The following SLX4IP variants were observed in gnomAD, a reference collection of about 807,000 sequenced individuals.
SLX4IP encodes the protein protein SLX4IP.
Under a neutral mutation model 32.9 loss-of-function variants are expected in SLX4IP, and 34 were observed. That is an observed-to-expected ratio of 1.03 (90% CI 0.79 to 1.38). SLX4IP has a LOEUF of 1.38. Among genes scored for constraint, SLX4IP ranks in the 40% most tolerant of loss-of-function variants. SLX4IP has a pLI of 0.00. For synonymous variants in SLX4IP, 172 were observed against 171.7 expected (o/e 1.00, Z -0.01); for missense variants, 444 against 479.0 (o/e 0.93, Z 0.68).
At chr20:10,479,637 C>CA (rs552337113) in intron 2 of SLX4IP, among the ~76,000 whole-genome samples, 15 of 162 alleles carry the variant, frequency 0.093, no homozygotes, top group East Asian at 0.41. Context: ...GCGTGAGCCA[C>CA]GTCCCGGCTC....
intron 4 of SLX4IP, among the ~76,000 whole-genome samples, chr20:10,588,485 G>C (rs576587118): frequency 5.9e-5 from 9 of 152,228 alleles, no homozygotes; most frequent in African/African-American, 2.2e-4. Flanking sequence ...ATATGATCCA[G>C]CAGTCTCACG....
intron 4 of SLX4IP, among the ~76,000 whole-genome samples, chr20:10,570,312 C>G (rs2122513197): frequency 6.6e-6 from 1 of 152,330 alleles, no homozygotes; most frequent in African/African-American, 2.4e-5. Context: ...TGGGGGACAT[C>G]CCTCACCCAC....
chr20:10,487,061 G>A (rs140633560), intron 2 of SLX4IP, among the ~76,000 whole-genome samples: 1 of 152,236 alleles, frequency 6.6e-6, no homozygotes, highest in African/African-American at 2.4e-5. Context: ...AGAGCCGCCT[G>A]CACGCTTTTC....
At chr20:10,533,339 G>GT (rs1350885290) in intron 2 of SLX4IP, among the ~76,000 whole-genome samples, 1 of 152,106 alleles carries the variant, frequency 6.6e-6, no homozygotes, top group Non-Finnish European at 1.5e-5. Flanking sequence ...GTCTTGCTCT[G>GT]TCGCCCAGGC....
At position 10,589,255 on chromosome 20, in the gene SLX4IP, T is replaced by G. The variant is rs574502956; in HGVS notation, c.239-9420T>G. On this transcript the variant is annotated intron_variant, in intron 4 of 7. Coordinates refer to ENST00000334534, the MANE Select transcript of SLX4IP (RefSeq NM_001009608.3). ...AAGTTATTAAAAATAATTAGGAGAT[T>G]TACCATGTCAAATGTATGGGAAGTG... Among the ~76,000 whole-genome samples, 3 of 152,286 alleles carry G rather than the reference T, an allele frequency of 2.0e-5. No homozygotes were observed. In the South Asian group the frequency reaches 6.2e-4, roughly 32 times the overall value.
chr20:10,569,536 C>T (rs1407643497), intron 4 of SLX4IP, among the ~76,000 whole-genome samples: 2 of 152,118 alleles, frequency 1.3e-5, no homozygotes, highest in African/African-American at 4.8e-5. Flanking sequence ...TACCACAGGC[C>T]GAGTGGCTTA....
chr20:10,459,133 A>G (rs752955118), intron 2 of SLX4IP, among the ~76,000 whole-genome samples: 4 of 152,184 alleles, frequency 2.6e-5, no homozygotes, highest in South Asian at 4.2e-4. Flanking sequence ...TTTTTTTCAT[A>G]TATTTGCTGG....
chr20:10,595,931 TAAC>T (rs1266709035), intron 4 of SLX4IP, among the ~76,000 whole-genome samples: 1 of 152,214 alleles, frequency 6.6e-6, no homozygotes, highest in Non-Finnish European at 1.5e-5. Context: ...AAACCACTAA[TAAC>T]AAGATGCTAT....
intron 6 of SLX4IP, chr20:10,613,529 T>A (rs1473984056): frequency 1.9e-6 from 3 of 1,610,780 alleles, no homozygotes; most frequent in Non-Finnish European, 2.5e-6. Context: ...AATTGTCCAT[T>A]TCCTTTTGCC....
At chr20:10,456,625 G>A (rs1266170313) in intron 1 of SLX4IP, among the ~76,000 whole-genome samples, 1 of 152,204 alleles carries the variant, frequency 6.6e-6, no homozygotes, top group Non-Finnish European at 1.5e-5. Context: ...ACAGGCGTGA[G>A]CCACTGCGTC....
At chr20:10,478,287 C>T (rs1171617878) in intron 2 of SLX4IP, among the ~76,000 whole-genome samples, 1 of 152,208 alleles carries the variant, frequency 6.6e-6, no homozygotes, top group Non-Finnish European at 1.5e-5. Context: ...TTCACATTTT[C>T]ATGTGTTTCC....
In SLX4IP at chr20:10,624,497, A is replaced by G. The variant is rs984681512; in HGVS notation, c.*1118A>G. ...GATGGACACCCGCTAAAAGTTTCCAATAACCGAATTTCACTCTAAAAGAGG... is the reference window on the plus strand; with the variant it reads ...GATGGACACCCGCTAAAAGTTTCCAGTAACCGAATTTCACTCTAAAAGAGG... On this transcript the variant is annotated 3_prime_UTR_variant, in exon 8 of 8. Coordinates refer to ENST00000334534, the MANE Select transcript of SLX4IP (RefSeq NM_001009608.3). 7 of 152,304 alleles carry G rather than the reference A, an allele frequency of 4.6e-5. No individual in the cohort carries two copies. Among genetic ancestry groups the G allele is most frequent in the African/African-American group, 9.6e-5 (4 of 41,570 alleles). 9.4% of individuals were successfully genotyped at this position (152,304 alleles called of 1,614,324 possible). A position where few individuals can be genotyped will look rare whatever the true frequency, so the allele number is the denominator to read the frequency against.
intron 2 of SLX4IP, among the ~76,000 whole-genome samples, chr20:10,523,717 C>A (rs997829819): frequency 6.6e-6 from 1 of 152,170 alleles, no homozygotes; most frequent in Non-Finnish European, 1.5e-5. Flanking sequence ...GGAGATGATA[C>A]GTCAGAACTG....
intron 4 of SLX4IP, among the ~76,000 whole-genome samples, chr20:10,592,923 T>C (rs1052322206): frequency 2.6e-5 from 4 of 152,102 alleles, no homozygotes; most frequent in South Asian, 2.1e-4. Flanking sequence ...TGAGCCACTG[T>C]GCCTAGCCTC....
chr20:10,545,290 C>T (rs1226803906), intron 2 of SLX4IP, among the ~76,000 whole-genome samples: 5 of 152,120 alleles, frequency 3.3e-5, no homozygotes, highest in African/African-American at 4.8e-5. Flanking sequence ...GTTCTGGTAA[C>T]CCTGAGCCCT....
chr20:10,443,355 G>C (rs574510748), intron 1 of SLX4IP, among the ~76,000 whole-genome samples: 115 of 152,294 alleles, frequency 7.6e-4, no homozygotes, highest in African/African-American at 2.6e-3. Flanking sequence ...CTGTCCCTGG[G>C]AATCTTATAG....
rs2067145348 is a variant in SLX4IP at position 10,623,948 on chromosome 20, A to G, written c.*569A>G. On this transcript the variant is annotated 3_prime_UTR_variant, in exon 8 of 8. Transcript: ENST00000334534. ...GTAACTGCCTTTGGGTGATTCTGAAACATGCTCGCGTTTGAGAACCACTGG... is the reference window on the plus strand; with the variant it reads ...GTAACTGCCTTTGGGTGATTCTGAAGCATGCTCGCGTTTGAGAACCACTGG... The G allele has an allele frequency of 6.5e-6, 1 of 153,206 alleles. No homozygotes were observed. Among genetic ancestry groups the G allele is most frequent in the East Asian group, 1.9e-4 (1 of 5,204 alleles). 9.5% of individuals were successfully genotyped at this position (153,206 alleles called of 1,614,324 possible). A position where few individuals can be genotyped will look rare whatever the true frequency, so the allele number is the denominator to read the frequency against.
At chr20:10,584,122 GT>G (rs1223315497) in intron 4 of SLX4IP, among the ~76,000 whole-genome samples, 1 of 152,138 alleles carries the variant, frequency 6.6e-6, no homozygotes, top group Non-Finnish European at 1.5e-5. Flanking sequence ...CACATACATG[GT>G]GGGTTTTTTT....
intron 6 of SLX4IP, among the ~76,000 whole-genome samples, chr20:10,602,100 G>A (rs6077845): frequency 0.4 from 61,503 of 152,084 alleles, 12,998 homozygotes; most frequent in East Asian, 0.52. Flanking sequence ...GCTTATGATA[G>A]TGTTTAAATG....
Sources: allele counts gnomAD v4.1 joint callset (sites outside exome capture counted in the v4.1 genomes callset), GRCh38; gene constraint gnomAD v4.1.1; transcripts MANE v1.5; gene names NCBI Gene and HGNC (gene_info 2026-07-23, HGNC 2026-07-21).